BCAR1: variants seen among roughly 807,000 people sequenced by gnomAD.
BCAR1 encodes breast cancer anti-estrogen resistance protein 1.
BCAR1 carries 30 observed loss-of-function variants against 67.6 expected under a neutral mutation model. The observed-to-expected ratio is 0.44, with a 90% CI of 0.33 to 0.60. The LOEUF is 0.60. Ranked by LOEUF, BCAR1 falls within the 20% of genes least tolerant of loss-of-function variation. BCAR1 has a pLI of 0.02. For synonymous variants in BCAR1, 626 were observed against 556.7 expected (o/e 1.12, Z -1.75); for missense variants, 1,313 against 1,222.3 (o/e 1.07, Z -1.11).
chr16:75,266,699 A>G, intron 1 of BCAR1: 1 of 1,381,038 alleles, frequency 7.2e-7, no homozygotes, highest in Non-Finnish European at 9.5e-7. Context: ...AGGCCCAGGC[A>G]CTGAGATCCC....
At chr16:75,252,848 C>G (rs532785296), upstream of BCAR1, among the ~76,000 whole-genome samples, 1 of 152,324 alleles carries the variant, frequency 6.6e-6, no homozygotes, top group South Asian at 2.1e-4. Flanking sequence ...CCTCTCTGGG[C>G]TCCTTTCTCA....
Position 75,242,801 on chromosome 16 carries a change from G to T in BCAR1, c.302C>A (p.Pro101His). The change falls in exon 2 of 7, where the codon CCC becomes CAC. Residue 101 changes from proline (P) to histidine (H), a missense_variant. Pro to His is a moderately conservative substitution (Grantham distance 77). Transcript: ENST00000162330. ...APAPPASQYT[P>H]MLPNTYQPQP... is the part of the protein sequence containing the mutation. ...GGGCTGGTAGGTGTTGGGGAGCATG[G>T]GCGTGTACTGGGAGGCCGGAGGCGC... The T allele has an allele frequency of 1.2e-6, 2 of 1,602,846 alleles. No homozygotes were observed. The highest frequency in any genetic ancestry group is 1.7e-6 in the Non-Finnish European group (2 of 1,174,938).
intron 1 of BCAR1, 29 bp downstream of exon 1, chr16:75,251,442 C>T: frequency 6.8e-7 from 1 of 1,467,240 alleles, no homozygotes; most frequent in Non-Finnish European, 9.0e-7. Context: ...CAAGCCCGTA[C>T]GCGGCCCGGC....
In BCAR1 at chr16:75,250,984, C is replaced by T. The variant is rs76884543; in HGVS notation, c.12+487G>A. 2.3e-3 allele frequency: 2,227 copies of T among 985,976 alleles called. 177 individuals carry two copies. The East Asian group carries it at 0.19, about 83-fold the overall frequency. 61.1% of individuals were successfully genotyped at this position (985,976 alleles called of 1,614,324 possible). On this transcript the variant is annotated intron_variant, in intron 1 of 6. Transcript: ENST00000162330. ...GGTGCTCCGGCTGCGCAGCCTTCCCCGCTGGCGCCACGCACTTGCCCGCCC... is the reference window on the plus strand; with the variant it reads ...GGTGCTCCGGCTGCGCAGCCTTCCCTGCTGGCGCCACGCACTTGCCCGCCC...
chr16:75,242,380 T>C, intron 2 of BCAR1, 90 bp downstream of exon 2: 1 of 1,316,142 alleles, frequency 7.6e-7, no homozygotes, highest in Admixed American at 2.9e-5. Context: ...GGAATGCCGG[T>C]GATTGAGGGT....
rs758654877 is a variant in BCAR1 at position 75,267,969 on chromosome 16, AG to A, written c.11del (p.Pro4LeufsTer45). ...TGGGGGCAGCCAGAGGAGCCTCACCAGGGCAGTGCATGCCCTCTCCTGACAC... is the reference window on the plus strand; with the variant it reads ...TGGGGGCAGCCAGAGGAGCCTCACCAGGCAGTGCATGCCCTCTCCTGACAC... On this transcript the variant is annotated frameshift_variant, in exon 1 of 7. Coordinates refer to the BCAR1 transcript ENST00000393422. LOFTEE classifies it high-confidence loss of function. 1 of 1,596,742 alleles carries A rather than the reference AG, an allele frequency of 6.3e-7. No individual in the cohort carries two copies. The highest frequency in any genetic ancestry group is 8.5e-7 in the Non-Finnish European group (1 of 1,173,538).
chr16:75,238,055 T>A, intron 2 of BCAR1: 7 of 1,288,862 alleles, frequency 5.4e-6, no homozygotes, highest in Non-Finnish European at 7.1e-6. Flanking sequence ...GGGAAGTGGG[T>A]CCAGGGCCAG....
intron 1 of BCAR1, among the ~76,000 whole-genome samples, chr16:75,243,992 C>T (rs1376648860): frequency 1.3e-5 from 2 of 152,186 alleles, no homozygotes; most frequent in African/African-American, 2.4e-5. Context: ...GAGGGAGGCA[C>T]GGGGTGAGAC....
intron 2 of BCAR1, chr16:75,238,557 G>C: frequency 1.9e-5 from 19 of 989,908 alleles, no homozygotes; most frequent in Non-Finnish European, 2.3e-5. Flanking sequence ...GGGTGGCAGA[G>C]GCGCCAGCAC....
intron 1 of BCAR1, chr16:75,266,897 C>T: frequency 1.2e-6 from 1 of 812,152 alleles, no homozygotes; most frequent in Non-Finnish European, 1.7e-6. Context: ...GGGCTCATGG[C>T]GGGGACCTGG....
chr16:75,264,618 A>C (rs893375550), intron 1 of BCAR1: 1 of 1,273,072 alleles, frequency 7.9e-7, no homozygotes, highest in African/African-American at 1.5e-5. Flanking sequence ...ATACATTACC[A>C]CTTCTGGAGG....
chr16:75,237,659 G>C (rs1342588892), intron 2 of BCAR1, among the ~76,000 whole-genome samples: 1 of 152,218 alleles, frequency 6.6e-6, no homozygotes, highest in Non-Finnish European at 1.5e-5. Flanking sequence ...GATGACACCG[G>C]TGGGGTGAGG....
chr16:75,238,019 C>T (rs528415724), intron 2 of BCAR1: 9 of 1,286,438 alleles, frequency 7.0e-6, no homozygotes, highest in South Asian at 3.7e-5. Flanking sequence ...AGATCCCCAG[C>T]GACCTGAAAG....
chr16:75,264,196 C>T, intron 1 of BCAR1: 1 of 1,336,026 alleles, frequency 7.5e-7, no homozygotes. Flanking sequence ...TCCTGTAAGG[C>T]AAGGGGTCAG....
chr16:75,233,819 G>A (rs754519342), intron 6 of BCAR1, 27 bp downstream of exon 6: 7 of 1,575,980 alleles, frequency 4.4e-6, no homozygotes, highest in Non-Finnish European at 6.0e-6. Context: ...GGGCAAAGCT[G>A]GGCCTTGCTC....
Position 75,228,541 on chromosome 16 carries a change from A to G in BCAR1, c.*970T>C, listed in dbSNP as rs2076782538. The G allele has an allele frequency of 6.6e-6, 1 of 152,404 alleles. No individual in the cohort carries two copies. The highest frequency in any genetic ancestry group is 1.5e-5 in the Non-Finnish European group (1 of 68,170). The allele number at this position is 152,404 out of a possible 1,614,324, so 9.4% of individuals were successfully genotyped here. On this transcript the variant is annotated 3_prime_UTR_variant, in exon 7 of 7. Transcript: ENST00000162330. The stretch of plus-strand genomic sequence containing the variant: ...CCCAACTCAGATGCCAGGTCCAGGT[A>G]TAATTCCATGTGCACTTCGGGAGTT...
In BCAR1 at chr16:75,258,708, A is replaced by T. The variant is rs2077832746; in HGVS notation, c.66+9207T>A. On this transcript the variant is annotated intron_variant, in intron 1 of 6. Coordinates refer to the BCAR1 transcript ENST00000393422. ...AACAGCAAAGATTTGTAAAAATAGC[A>T]CAGGCAAGCCAACTCCTTCGGCGTG... 3.3e-5 allele frequency among the ~76,000 whole-genome samples: 5 copies of T among 152,254 alleles called. No homozygotes were observed. The South Asian group carries it at 1.0e-3, about 31-fold the overall frequency.
chr16:75,255,920 G>C (rs887683417), upstream of BCAR1, among the ~76,000 whole-genome samples: 13 of 152,054 alleles, frequency 8.5e-5, no homozygotes, highest in African/African-American at 2.9e-4. Flanking sequence ...GAACCCGGGA[G>C]GCGGAGGTTG....
Position 75,229,637 on chromosome 16 carries a change from G to T in BCAR1, c.2487C>A (p.Thr829=). The change falls in exon 7 of 7, where the codon ACC becomes ACA. Residue 829 remains threonine (T), a synonymous_variant. Coordinates refer to ENST00000162330, the MANE Select transcript of BCAR1 (RefSeq NM_014567.5). ...LCDLLRGIVA[T]TKAAALQYPS... The stretch of plus-strand genomic sequence containing the variant: ...GGTACTGCAAGGCAGCGGCCTTGGT[G>T]GTGGCCACGATGCCGCGCAGGAGGT... The T allele has an allele frequency of 6.2e-7, 1 of 1,612,714 alleles. No homozygotes were observed. The highest frequency in any genetic ancestry group is 1.7e-5 in the Admixed American group (1 of 60,002).
Sources: allele counts gnomAD v4.1 joint callset (sites outside exome capture counted in the v4.1 genomes callset), GRCh38; gene constraint gnomAD v4.1.1; transcripts MANE v1.5; gene names NCBI Gene and HGNC (gene_info 2026-07-23, HGNC 2026-07-21).